DIP2C: variants seen among roughly 807,000 people sequenced by gnomAD.
DIP2C encodes the protein disco-interacting protein 2 homolog C.
Under a neutral mutation model 192.4 loss-of-function variants are expected in DIP2C, and 33 were observed. The observed-to-expected ratio is 0.17, with a 90% confidence interval of 0.13 to 0.23. DIP2C has a LOEUF of 0.23. Among genes scored for constraint, DIP2C ranks in the 10% least tolerant of loss-of-function variants. The pLI is 1.00. For missense variants in DIP2C, 1,537 were observed against 2,110.1 expected, an observed-to-expected ratio of 0.73 and a Z score of 5.32; for synonymous variants, 979 against 864.1, an observed-to-expected ratio of 1.13 and a Z score of -2.33.
rs570221426 is a variant in DIP2C at position 584,370 on chromosome 10, C to T, written c.86-97840G>A. Among the ~76,000 whole-genome samples, 10 of 152,158 alleles carry T rather than the reference C, an allele frequency of 6.6e-5. No individual in the cohort carries two copies. In the South Asian group the frequency reaches 1.7e-3, roughly 25 times the overall value. On this transcript the variant is annotated intron_variant, in intron 1 of 36. Coordinates refer to ENST00000280886, the MANE Select transcript of DIP2C (RefSeq NM_014974.3). ...AAATCAGTTGACAGATTCCAAATCT[C>T]GGAGCCCACGACCTGACACCCACTC...
chr10:439,249 C>T (rs914546813), intron 4 of DIP2C, among the ~76,000 whole-genome samples: 19 of 151,228 alleles, frequency 1.3e-4, no homozygotes, highest in African/African-American at 3.4e-4. Context: ...GCTAGCACGG[C>T]GTTCACTCCC....
At chr10:480,649 G>A (rs972852318) in intron 2 of DIP2C, among the ~76,000 whole-genome samples, 2 of 152,082 alleles carry the variant, frequency 1.3e-5, no homozygotes, top group African/African-American at 4.8e-5. Flanking sequence ...CACACCGCAT[G>A]GCGTAGGCTC....
rs531114175 is a variant in DIP2C at position 689,306 on chromosome 10, C to T, written c.85+188G>A. On this transcript the variant is annotated intron_variant, in intron 1 of 36. Transcript: ENST00000280886. This position sits in a 1 kb window ranked among gnomAD's most constrained non-coding sequence, Gnocchi z 6.1. ...CAAACGTCCCCAGAGCGCGGGGGAT[C>T]GCGGCCTCACAAACGTCCCTAGGGC... Among the ~76,000 whole-genome samples the T allele has an allele frequency of 2.5e-3, 385 of 151,628 alleles. 2 individuals carry two copies. The highest frequency in any genetic ancestry group is 8.6e-3 in the African/African-American group (356 of 41,412).
chr10:446,807 T>C (rs1267715758), intron 3 of DIP2C, among the ~76,000 whole-genome samples: 1 of 152,250 alleles, frequency 6.6e-6, no homozygotes, highest in African/African-American at 2.4e-5. Flanking sequence ...ACAGATGTTT[T>C]TCAGCATCTT....
In DIP2C at chr10:489,865, C is replaced by T. The variant is rs574821312; in HGVS notation, c.86-3335G>A. Among the ~76,000 whole-genome samples, 628 of 71,820 alleles carry T rather than the reference C, an allele frequency of 8.7e-3. 12 individuals carry two copies. The highest frequency in any genetic ancestry group is 0.018 in the African/African-American group (304 of 16,638). 47.1% of individuals were successfully genotyped at this position (71,820 alleles called of 152,430 possible). ...GGGACACGGTGGCTCTGACAGTGCC[C>T]GGGGCTTCCTCCATTTCACACCAGG... On this transcript the variant is annotated intron_variant, in intron 1 of 36. Coordinates refer to ENST00000280886, the MANE Select transcript of DIP2C (RefSeq NM_014974.3).
At chr10:483,084 G>A (rs376256334) in intron 2 of DIP2C, among the ~76,000 whole-genome samples, 1 of 152,204 alleles carries the variant, frequency 6.6e-6, no homozygotes, top group African/African-American at 2.4e-5. Context: ...CCCGACAGAC[G>A]CTGCCCTCCT....
chr10:482,173 G>A (rs554846175), intron 2 of DIP2C, among the ~76,000 whole-genome samples: 1 of 152,302 alleles, frequency 6.6e-6, no homozygotes, highest in African/African-American at 2.4e-5. Flanking sequence ...TCATGTGGAT[G>A]CAGCGGCATG....
chr10:375,141 C>G (rs1433295821), intron 17 of DIP2C, among the ~76,000 whole-genome samples: 1 of 152,218 alleles, frequency 6.6e-6, no homozygotes, highest in Non-Finnish European at 1.5e-5. Context: ...TGTTTTGTTG[C>G]CTGCAGATCT....
At chr10:559,340 C>T (rs1195897152) in intron 1 of DIP2C, among the ~76,000 whole-genome samples, 6 of 150,518 alleles carry the variant, frequency 4.0e-5, no homozygotes, top group Non-Finnish European at 7.5e-5. Context: ...GCCGGGGGAA[C>T]GCCGGGGGAA....
chr10:561,344 G>C (rs1029462031), intron 1 of DIP2C, among the ~76,000 whole-genome samples: 1 of 152,194 alleles, frequency 6.6e-6, no homozygotes, highest in Non-Finnish European at 1.5e-5. Flanking sequence ...CACTGTACGA[G>C]AAGTCTCTGC....
In DIP2C at chr10:345,059, G is replaced by T. The variant is rs756710051; in HGVS notation, c.3283C>A (p.Arg1095=). Reference sequence around the variant, plus strand: ...ACAGCCGCCGCCGCCTCCCTGGACCGCAGCAACTTACAGATCAGCTGTGTC... The same window carrying T: ...ACAGCCGCCGCCGCCTCCCTGGACCTCAGCAACTTACAGATCAGCTGTGTC... ...MTTQLICKLL[R]SREAAAAVDV... The change falls in exon 27 of 37, where the codon CGG becomes AGG. Residue 1095 remains arginine (R), a synonymous_variant. Coordinates refer to ENST00000280886, the MANE Select transcript of DIP2C (RefSeq NM_014974.3). The T allele has an allele frequency of 2.6e-5, 42 of 1,613,410 alleles. No homozygotes were observed. The highest frequency in any genetic ancestry group is 2.5e-4 in the Admixed American group (15 of 59,968).
chr10:327,056 C>T lies in DIP2C; in HGVS notation c.3874G>A (p.Ala1292Thr), dbSNP rs1365576682. The T allele has an allele frequency of 1.2e-6, 2 of 1,614,140 alleles. No individual in the cohort carries two copies. The highest frequency in any genetic ancestry group is 1.7e-6 in the Non-Finnish European group (2 of 1,180,026). ...LFKDLGLHPR[A>T]VSTSFGCRVN... ...CTGCAACCGAACGAGGTGCTGACGG[C>T]CCGCGGGTGAAGGCCCAGGTCCTTA... is the stretch of plus-strand genomic sequence containing the variant. Residue 1292 changes from alanine to threonine, a missense_variant, in exon 31 of 37, where the codon GCC becomes ACC. By Grantham distance (58) the Ala-to-Thr change is moderately conservative (BLOSUM62 0). Around this residue, in one of 4 missense-constraint regions of DIP2C, gnomAD observed 341 missense variants for 551.7 expected, o/e 0.62. Coordinates refer to ENST00000280886, the MANE Select transcript of DIP2C (RefSeq NM_014974.3).
At chr10:629,618 A>C (rs1424415104) in intron 1 of DIP2C, among the ~76,000 whole-genome samples, 1 of 151,676 alleles carries the variant, frequency 6.6e-6, no homozygotes, top group Non-Finnish European at 1.5e-5. Flanking sequence ...AAGGAAGCTC[A>C]AGCTGTCAGG....
intron 1 of DIP2C, among the ~76,000 whole-genome samples, chr10:541,194 C>CA (rs977593364): frequency 2.8e-4 from 43 of 152,282 alleles, no homozygotes; most frequent in African/African-American, 9.4e-4. Flanking sequence ...TTCTACCACG[C>CA]AACATTCATG....
chr10:560,967 T>C (rs924102793), intron 1 of DIP2C, among the ~76,000 whole-genome samples: 1 of 152,212 alleles, frequency 6.6e-6, no homozygotes, highest in African/African-American at 2.4e-5. Flanking sequence ...AACCCCTTAA[T>C]CGTACAACTC....
chr10:688,849 G>A (rs903998160), intron 1 of DIP2C, among the ~76,000 whole-genome samples: 6 of 152,226 alleles, frequency 3.9e-5, no homozygotes, highest in African/African-American at 1.4e-4. Context: ...GGAGGTTGAC[G>A]ATTCCGCCCA....
intron 3 of DIP2C, among the ~76,000 whole-genome samples, chr10:462,921 G>C (rs940985190): frequency 1.3e-5 from 2 of 152,114 alleles, no homozygotes; most frequent in African/African-American, 4.8e-5. Flanking sequence ...AAAACCACAT[G>C]ATTATCCCAA....
intron 18 of DIP2C, among the ~76,000 whole-genome samples, chr10:367,486 CAA>C (rs575811345): frequency 5.8e-4 from 88 of 151,036 alleles, no homozygotes; most frequent in Admixed American, 1.5e-3. Flanking sequence ...TTGGTAAAAA[CAA>C]AAGTCAGGTA....
chr10:649,960 C>T (rs572588909), intron 1 of DIP2C: 32 of 614,822 alleles, frequency 5.2e-5, no homozygotes, highest in African/African-American at 3.1e-4. Context: ...CACATCAAAA[C>T]GGAAAAGGAA....
Sources: allele counts gnomAD v4.1 joint callset (sites outside exome capture counted in the v4.1 genomes callset), GRCh38; gene constraint gnomAD v4.1.1; regional missense constraint gnomAD v4.1.1; non-coding constraint Gnocchi (gnomAD v3.1); transcripts MANE v1.5; gene names NCBI Gene and HGNC (gene_info 2026-07-23, HGNC 2026-07-21).